NAP1L4: variants seen among roughly 807,000 people sequenced by gnomAD.
NAP1L4 encodes the protein nucleosome assembly protein 1-like 4.
NAP1L4 carries 15 observed loss-of-function variants against 58.2 expected under a neutral mutation model. That is an observed-to-expected ratio of 0.26 (90% CI 0.17 to 0.40). The LOEUF (loss-of-function observed/expected upper bound fraction) is 0.40. Among genes scored for constraint, NAP1L4 ranks in the 10% least tolerant of loss-of-function variants. The pLI is 1.00. For missense variants in NAP1L4, 384 were observed against 451.1 expected (o/e 0.85, Z 1.35); for synonymous variants, 171 against 155.6 (o/e 1.10, Z -0.74).
intron 1 of NAP1L4, among the ~76,000 whole-genome samples, chr11:2,984,619 C>T (rs559918770): frequency 1.3e-5 from 2 of 152,096 alleles, no homozygotes; most frequent in Non-Finnish European, 2.9e-5. Context: ...AATGGTCCCC[C>T]GTCACCTTCT....
At chr11:2,986,203 A>G (rs907835754) in intron 1 of NAP1L4, among the ~76,000 whole-genome samples, 1 of 152,004 alleles carries the variant, frequency 6.6e-6, no homozygotes, top group African/African-American at 2.4e-5. Context: ...GTGAAATTCC[A>G]TCTCCATTAA....
At position 2,958,487 on chromosome 11, in the gene NAP1L4, C is replaced by A. The variant is rs1339738269; in HGVS notation, c.804G>T (p.Lys268Asn). ...KNVTVKTIKK[K>N]QKHKGRGTVR... ...CAGTGCCTCGACCCTTATGCTTCTG[C>A]TTTTTCTTGATGGTTTTGACAGTAA... is the stretch of plus-strand genomic sequence containing the variant. The change falls in exon 10 of 16, where the codon AAG becomes AAT. Residue 268 changes from lysine (K) to asparagine (N), a missense_variant. By Grantham distance (94) the Lys-to-Asn change is moderately conservative (BLOSUM62 0). This residue lies in a region of NAP1L4 where 296 missense variants were observed against 360.8 expected (regional missense o/e 0.82). Coordinates refer to ENST00000380542, the MANE Select transcript of NAP1L4 (RefSeq NM_005969.4). The A allele has an allele frequency of 6.2e-7, 1 of 1,614,182 alleles. No homozygotes were observed. Among genetic ancestry groups the A allele is most frequent in the South Asian group, 1.1e-5 (1 of 91,070 alleles).
Position 2,964,717 on chromosome 11 carries a change from T to C in NAP1L4, c.569A>G (p.Asp190Gly). 1 of 1,613,920 alleles carries C rather than the reference T, an allele frequency of 6.2e-7. No individual in the cohort carries two copies. Among genetic ancestry groups the C allele is most frequent in the Non-Finnish European group, 8.5e-7 (1 of 1,179,896 alleles). ...YDEPILKHLQ[D>G]IKVKFSDPGQ... Reference sequence around the variant, plus strand: ...AGGGTCAGAAAATTTCACTTTAATATCCTGCAGGTGTTTCAAGATTGGTTC... The same window carrying C: ...AGGGTCAGAAAATTTCACTTTAATACCCTGCAGGTGTTTCAAGATTGGTTC... Residue 190 changes from aspartate (D) to glycine (G), a missense_variant, in exon 8 of 16, where the codon GAT becomes GGT. Transcript: ENST00000380542.
At chr11:2,985,015 A>G (rs1264035778) in intron 1 of NAP1L4, among the ~76,000 whole-genome samples, 1 of 151,482 alleles carries the variant, frequency 6.6e-6, no homozygotes, top group East Asian at 1.9e-4. Context: ...CCAAATCTAA[A>G]CATGAAATTC....
At chr11:2,965,223 T>A (rs1050644631) in intron 7 of NAP1L4, among the ~76,000 whole-genome samples, 9 of 152,236 alleles carry the variant, frequency 5.9e-5, no homozygotes, top group African/African-American at 2.2e-4. Flanking sequence ...AATAAAGTTG[T>A]GCATGGCTTA....
chr11:2,968,140 G>GC (rs1847398361), intron 7 of NAP1L4, among the ~76,000 whole-genome samples: 1 of 152,206 alleles, frequency 6.6e-6, no homozygotes, highest in African/African-American at 2.4e-5. Flanking sequence ...CACTCCCCAT[G>GC]CCCCCCGAAG....
rs572647590 is a variant in NAP1L4 at position 2,959,440 on chromosome 11, G to A, written c.746+330C>T. On this transcript the variant is annotated intron_variant, in intron 9 of 15. Transcript: ENST00000380542. The surrounding 1 kb of genome is among the most constrained non-coding windows in gnomAD (Gnocchi z 4.9). ...CATTCAATAAGTATTTATTTGCTGAGGGTAATCCATGGATTCAATTTTAAG... is the reference window on the plus strand; with the variant it reads ...CATTCAATAAGTATTTATTTGCTGAAGGTAATCCATGGATTCAATTTTAAG... Among the ~76,000 whole-genome samples the A allele has an allele frequency of 5.3e-5, 8 of 152,304 alleles. 1 individual carries two copies. Among genetic ancestry groups the A allele is most frequent in the African/African-American group, 1.9e-4 (8 of 41,556 alleles).
intron 2 of NAP1L4, 128 bp downstream of exon 2, chr11:2,979,079 G>A (rs773006946): frequency 2.1e-6 from 2 of 942,674 alleles, no homozygotes; most frequent in Non-Finnish European, 3.3e-6. Flanking sequence ...ACATACACAA[G>A]AAATGAGCCA....
At chr11:2,972,044 A>G (rs1409986764) in intron 5 of NAP1L4, 58 bp downstream of exon 5, 1 of 1,452,754 alleles carries the variant, frequency 6.9e-7, no homozygotes, top group Admixed American at 2.6e-5. Flanking sequence ...GTTTATCGGA[A>G]CCTAACACCT....
rs570615967 is a variant in NAP1L4, at chr11:2,959,994, A to C, written c.607-85T>G. The C allele has an allele frequency of 7.8e-6, 11 of 1,415,636 alleles. No homozygotes were observed. The highest frequency in any genetic ancestry group is 9.7e-6 in the Non-Finnish European group (10 of 1,035,972). 87.7% of individuals were successfully genotyped at this position (1,415,636 alleles called of 1,614,324 possible). On this transcript the variant is annotated intron_variant, in intron 8 of 15. Transcript: ENST00000380542. The surrounding 1 kb of genome is among the most constrained non-coding windows in gnomAD (Gnocchi z 4.9). ...GCTTGGAGTACACAACACTTACTAGAAGCTATTTTGGGAAAGCTCAACAGA... is the reference window on the plus strand; with the variant it reads ...GCTTGGAGTACACAACACTTACTAGCAGCTATTTTGGGAAAGCTCAACAGA...
chr11:2,954,729 C>T lies in NAP1L4; in HGVS notation c.916-83G>A, dbSNP rs1396739118. On this transcript the variant is annotated intron_variant, in intron 11 of 15. Coordinates refer to ENST00000380542, the MANE Select transcript of NAP1L4 (RefSeq NM_005969.4). The surrounding 1 kb of genome is among the most constrained non-coding windows in gnomAD (Gnocchi z 4.8). The stretch of plus-strand genomic sequence containing the variant: ...ACCACCCTCAGCCAAACCTCAGCCC[C>T]TCACTTTTGATTTACTTAACTTAAA... 1 of 1,577,132 alleles carries T rather than the reference C, an allele frequency of 6.3e-7. No homozygotes were observed. The highest frequency in any genetic ancestry group is 2.2e-5 in the East Asian group (1 of 44,650).
At chr11:2,983,253 C>A (rs953239455) in intron 1 of NAP1L4, among the ~76,000 whole-genome samples, 2 of 152,172 alleles carry the variant, frequency 1.3e-5, no homozygotes, top group Non-Finnish European at 2.9e-5. Context: ...TGTGTTAGGA[C>A]ATGAGCCAAA....
chr11:2,961,561 T>C (rs1846908195), intron 8 of NAP1L4, among the ~76,000 whole-genome samples: 1 of 150,564 alleles, frequency 6.6e-6, no homozygotes, highest in Admixed American at 6.6e-5. Context: ...ATGGAGAGAC[T>C]GCTATGATTC....
chr11:2,980,944 A>G (rs1280543805), intron 1 of NAP1L4, among the ~76,000 whole-genome samples: 1 of 150,040 alleles, frequency 6.7e-6, no homozygotes, highest in African/African-American at 2.5e-5. Context: ...GAAAAAAAAA[A>G]TGCAGCAGGC....
In NAP1L4 at chr11:2,949,079, G is replaced by C. The variant is rs552603010; in HGVS notation, c.*32+148C>G. The C allele has an allele frequency of 4.5e-5, 27 of 604,036 alleles. No homozygotes were observed. The highest frequency in any genetic ancestry group is 7.5e-5 in the Non-Finnish European group (26 of 345,936). 37.4% of individuals were successfully genotyped at this position (604,036 alleles called of 1,614,324 possible). A position where few individuals can be genotyped will look rare whatever the true frequency, so the allele number is the denominator to read the frequency against. ...TAGGTTTGGTTCGTTGATTTTAAAA[G>C]TACATGTAACAGACACCTATGTCAA... On this transcript the variant is annotated intron_variant, in intron 15 of 15. Coordinates refer to ENST00000380542, the MANE Select transcript of NAP1L4 (RefSeq NM_005969.4). The surrounding 1 kb of genome is among the most constrained non-coding windows in gnomAD (Gnocchi z 4.0).
At chr11:2,967,621 A>G (rs1004959160) in intron 7 of NAP1L4, among the ~76,000 whole-genome samples, 2 of 150,658 alleles carry the variant, frequency 1.3e-5, no homozygotes, top group East Asian at 1.9e-4. Context: ...AAAAAAAAAA[A>G]AAAGAAAATA....
At chr11:2,960,851 G>A (rs56806395) in intron 8 of NAP1L4, among the ~76,000 whole-genome samples, 3,555 of 152,216 alleles carry the variant, frequency 0.023, 145 homozygotes, top group African/African-American at 0.078. Flanking sequence ...TGGAAGATGC[G>A]CTTGGTTGAG....
rs552438769 is a variant in NAP1L4, at chr11:2,969,997, C to T, written c.403-63G>A. 3.3e-5 allele frequency: 49 copies of T among 1,503,680 alleles called. No individual in the cohort carries two copies. The African/African-American group carries it at 3.5e-4, about 11-fold the overall frequency. The allele number at this position is 1,503,680 out of a possible 1,614,324, so 93.1% of individuals were successfully genotyped here. A position where few individuals can be genotyped will look rare whatever the true frequency, so the allele number is the denominator to read the frequency against. On this transcript the variant is annotated intron_variant, in intron 6 of 15. Coordinates refer to ENST00000380542, the MANE Select transcript of NAP1L4 (RefSeq NM_005969.4). Reference sequence around the variant, plus strand: ...GTTTACAAACAATGCAGCGGCTTCACGTAGAATATCGTTGCCGAATCCTCT... The same window carrying T: ...GTTTACAAACAATGCAGCGGCTTCATGTAGAATATCGTTGCCGAATCCTCT...
rs1347074770 is a variant in NAP1L4, at chr11:2,971,570, T to C, written c.316-36A>G. On this transcript the variant is annotated intron_variant, in intron 5 of 15. Coordinates refer to ENST00000380542, the MANE Select transcript of NAP1L4 (RefSeq NM_005969.4). This position sits in a 1 kb window ranked among gnomAD's most constrained non-coding sequence, Gnocchi z 4.2. ...ATGAGACCTTATTAGAATTATGTTA[T>C]TAGCTTACTTAGGAACTCAAGAGTT... 4.5e-6 allele frequency: 7 copies of C among 1,540,194 alleles called. No homozygotes were observed. The highest frequency in any genetic ancestry group is 1.4e-5 in the African/African-American group (1 of 73,436).
Sources: gnomAD v4.1 joint callset for allele counts (sites outside exome capture counted in the v4.1 genomes callset) on GRCh38, gnomAD v4.1.1 for gene constraint, gnomAD v4.1.1 regional missense constraint, Gnocchi (gnomAD v3.1) non-coding constraint, MANE v1.5 for transcripts, NCBI Gene and HGNC (gene_info 2026-07-23, HGNC 2026-07-21) for gene names.